NEGR1: variants seen among roughly 807,000 people sequenced by gnomAD.
NEGR1 encodes IgLON family member 4.
A neutral mutation model predicts 40.9 loss-of-function variants in NEGR1; 10 were observed. The ratio of observed to expected loss-of-function variants is 0.24; its 90% confidence interval spans 0.15 to 0.42. The LOEUF (loss-of-function observed/expected upper bound fraction) is 0.42. Ranked by LOEUF, NEGR1 falls within the 10% of genes least tolerant of loss-of-function variation. The pLI is 1.00. For missense variants in NEGR1, 352 were observed against 438.9 expected, an observed-to-expected ratio of 0.80 and a Z score of 1.77; for synonymous variants, 185 against 166.8, an observed-to-expected ratio of 1.11 and a Z score of -0.84.
At chr1:72,231,717 A>G (rs2100498908) in intron 1 of NEGR1, among the ~76,000 whole-genome samples, 1 of 152,266 alleles carries the variant, frequency 6.6e-6, no homozygotes, top group African/African-American at 2.4e-5. Context: ...ATAACTTGAA[A>G]ACAGGAGCCA....
chr1:71,583,901 A>AC (rs1649214841), intron 6 of NEGR1, among the ~76,000 whole-genome samples: 1 of 152,212 alleles, frequency 6.6e-6, no homozygotes, highest in African/African-American at 2.4e-5. Flanking sequence ...AAAGAAAGGA[A>AC]CCGAAGATTA....
At chr1:72,151,959 C>T (rs1008295985) in intron 1 of NEGR1, among the ~76,000 whole-genome samples, 1 of 151,658 alleles carries the variant, frequency 6.6e-6, no homozygotes, top group African/African-American at 2.4e-5. Context: ...ATTTGTTTCT[C>T]TTAATATGGA....
At chr1:71,850,489 G>T (rs532670816) in intron 2 of NEGR1, among the ~76,000 whole-genome samples, 1 of 152,000 alleles carries the variant, frequency 6.6e-6, no homozygotes, top group African/African-American at 2.4e-5. Flanking sequence ...TGTCTTAATT[G>T]TAGGTCAAAA....
Position 71,450,678 on chromosome 1 carries a change from C to T in NEGR1, c.941-43108G>A, listed in dbSNP as rs370383616. ...GAAAAAAATTAGCTGGGCATGGTGGCGCATGCCTGTAATCCCAGGTACTTG... is the reference window on the plus strand; with the variant it reads ...GAAAAAAATTAGCTGGGCATGGTGGTGCATGCCTGTAATCCCAGGTACTTG... On this transcript the variant is annotated intron_variant, in intron 6 of 6. Transcript: ENST00000357731. 7.9e-5 allele frequency among the ~76,000 whole-genome samples: 12 copies of T among 151,972 alleles called. 1 individual carries two copies. Among genetic ancestry groups the T allele is most frequent in the African/African-American group, 2.4e-4 (10 of 41,482 alleles).
At chr1:72,227,513 G>C (rs1215970272) in intron 1 of NEGR1, among the ~76,000 whole-genome samples, 1 of 152,064 alleles carries the variant, frequency 6.6e-6, no homozygotes, top group East Asian at 1.9e-4. Flanking sequence ...AAAAACAGCA[G>C]ACGGTGAGGA....
intron 6 of NEGR1, among the ~76,000 whole-genome samples, chr1:71,489,051 CAT>C (rs945783825): frequency 1.1e-4 from 17 of 151,658 alleles, no homozygotes; most frequent in African/African-American, 4.1e-4. Flanking sequence ...TGCTCATAAA[CAT>C]AGCCTGTTTT....
intron 1 of NEGR1, among the ~76,000 whole-genome samples, chr1:72,215,461 A>G (rs1203939046): frequency 6.6e-6 from 1 of 152,188 alleles, no homozygotes. Context: ...TTTGCAATCT[A>G]ACCATCAGAC....
chr1:71,905,027 C>T (rs570861794), intron 2 of NEGR1, among the ~76,000 whole-genome samples: 1 of 152,012 alleles, frequency 6.6e-6, no homozygotes, highest in African/African-American at 2.4e-5. Flanking sequence ...TAGAATGTTC[C>T]TCCAAAAAAT....
chr1:72,027,821 A>G (rs1242966308), intron 1 of NEGR1, among the ~76,000 whole-genome samples: 1 of 152,208 alleles, frequency 6.6e-6, no homozygotes, highest in African/African-American at 2.4e-5. Context: ...TAGCATGGCC[A>G]TATCCCAAGG....
At chr1:71,779,813 C>A (rs1215634023) in intron 2 of NEGR1, among the ~76,000 whole-genome samples, 2 of 151,928 alleles carry the variant, frequency 1.3e-5, no homozygotes, top group African/African-American at 2.4e-5. Flanking sequence ...AGGTGATCTA[C>A]CTGCCTCTGC....
At chr1:71,670,769 A>G (rs938270766) in intron 4 of NEGR1, among the ~76,000 whole-genome samples, 3 of 150,468 alleles carry the variant, frequency 2.0e-5, no homozygotes, top group African/African-American at 7.4e-5. Flanking sequence ...TTCAACAACA[A>G]TTCTGTTTTT....
intron 1 of NEGR1, among the ~76,000 whole-genome samples, chr1:72,089,853 G>A (rs1311468750): frequency 6.6e-6 from 1 of 152,036 alleles, no homozygotes; most frequent in East Asian, 1.9e-4. Flanking sequence ...ATTTTGTTGA[G>A]ATAAGAAATA....
At chr1:71,663,082 G>A (rs550711230) in intron 4 of NEGR1, among the ~76,000 whole-genome samples, 1 of 151,486 alleles carries the variant, frequency 6.6e-6, no homozygotes, top group South Asian at 2.1e-4. Flanking sequence ...TCAGCCTCCC[G>A]AGTAGCTGGG....
At chr1:71,821,428 A>T (rs1431197480) in intron 2 of NEGR1, among the ~76,000 whole-genome samples, 1 of 152,056 alleles carries the variant, frequency 6.6e-6, no homozygotes, top group Non-Finnish European at 1.5e-5. Context: ...TAACACAAAG[A>T]AGGGAATACA....
chr1:71,498,130 A>G (rs1342308659), intron 6 of NEGR1, among the ~76,000 whole-genome samples: 1 of 150,796 alleles, frequency 6.6e-6, no homozygotes, highest in East Asian at 1.9e-4. Flanking sequence ...GAACTCATCT[A>G]ATAGTTGAAA....
chr1:72,022,082 C>T (rs1355416014), intron 1 of NEGR1, among the ~76,000 whole-genome samples: 1 of 151,740 alleles, frequency 6.6e-6, no homozygotes, highest in Non-Finnish European at 1.5e-5. Flanking sequence ...TTGCAGTGAG[C>T]CGAGATGGCG....
At chr1:71,953,034 T>G (rs937725031) in intron 1 of NEGR1, among the ~76,000 whole-genome samples, 5 of 151,746 alleles carry the variant, frequency 3.3e-5, no homozygotes, top group African/African-American at 1.2e-4. Flanking sequence ...TCAAGAGCTC[T>G]TATGGAGAAT....
At chr1:72,015,240 T>G (rs1250392380) in intron 1 of NEGR1, among the ~76,000 whole-genome samples, 1 of 152,290 alleles carries the variant, frequency 6.6e-6, no homozygotes, top group East Asian at 1.9e-4. Context: ...AAGGCCTTAT[T>G]GCTGGTGTGA....
intron 1 of NEGR1, among the ~76,000 whole-genome samples, chr1:72,135,007 G>A (rs533360385): frequency 5.9e-5 from 9 of 151,466 alleles, no homozygotes; most frequent in African/African-American, 2.2e-4. Flanking sequence ...AAAGTGCTGG[G>A]ATTACAGGCG....
Sources: gnomAD v4.1 joint callset for allele counts (sites outside exome capture counted in the v4.1 genomes callset) on GRCh38, gnomAD v4.1.1 for gene constraint, MANE v1.5 for transcripts, NCBI Gene and HGNC (gene_info 2026-07-23, HGNC 2026-07-21) for gene names.